The following FAT4 variants were observed in gnomAD, a reference collection of about 807,000 sequenced individuals.
The protein encoded by FAT4 is protocadherin Fat 4.
FAT4 carries 84 observed loss-of-function variants against 303.9 expected under a neutral mutation model. The ratio of observed to expected loss-of-function variants is 0.28; its 90% CI spans 0.23 to 0.33. FAT4 has a LOEUF of 0.33. Ranked by LOEUF, FAT4 falls within the 10% of genes least tolerant of loss-of-function variation. FAT4 has a pLI of 1.00. For missense variants in FAT4, 6,005 were observed against 6,146.8 expected (o/e 0.98, Z 0.77); for synonymous variants, 2,307 against 2,298.8 (o/e 1.00, Z -0.10).
intron 7 of FAT4, among the ~76,000 whole-genome samples, chr4:125,425,584 G>A (rs1181499263): frequency 1.3e-5 from 2 of 152,014 alleles, no homozygotes; most frequent in Non-Finnish European, 2.9e-5. Context: ...TAAAAAATAT[G>A]TATCCAAGGG....
chr4:125,361,270 A>C (rs1413971800), intron 2 of FAT4, among the ~76,000 whole-genome samples: 4 of 152,156 alleles, frequency 2.6e-5, no homozygotes, highest in Admixed American at 2.6e-4. Context: ...CATCTGGAGC[A>C]GTTACACCTA....
At chr4:125,366,785 T>C (rs552940987) in intron 2 of FAT4, among the ~76,000 whole-genome samples, 1 of 152,164 alleles carries the variant, frequency 6.6e-6, no homozygotes, top group African/African-American at 2.4e-5. Flanking sequence ...TTTTTAGTAA[T>C]AGCCATTCTG....
chr4:125,339,296 A>G (rs1052687275), intron 2 of FAT4, among the ~76,000 whole-genome samples: 12 of 151,332 alleles, frequency 7.9e-5, no homozygotes, highest in African/African-American at 2.9e-4. Context: ...CCCGGGTTCA[A>G]GCGATTCTCC....
chr4:125,369,572 A>G (rs1733025416), intron 2 of FAT4, among the ~76,000 whole-genome samples: 1 of 152,254 alleles, frequency 6.6e-6, no homozygotes, highest in Non-Finnish European at 1.5e-5. Context: ...GAAAATGGCT[A>G]AAGTCTGGCC....
chr4:125,451,298 G>A lies in FAT4; in HGVS notation c.10288G>A (p.Ala3430Thr). 6.2e-7 allele frequency: 1 copy of A among 1,614,116 alleles called. No homozygotes were observed. The highest frequency in any genetic ancestry group is 8.5e-7 in the Non-Finnish European group (1 of 1,180,006). Reference sequence around the variant, plus strand: ...AGGAACTCATGTGACCTTTGTCAGTGCCTTTGACTCAGACTCCATCCCCAG... The same window carrying A: ...AGGAACTCATGTGACCTTTGTCAGTACCTTTGACTCAGACTCCATCCCCAG... ...PIGTHVTFVS[A>T]FDSDSIPSWS... Residue 3430 changes from alanine to threonine, a missense_variant, in exon 10 of 18, where the codon GCC becomes ACC. Transcript: ENST00000394329.
chr4:125,468,934 A>T, intron 12 of FAT4, 115 bp downstream of exon 12: 2 of 1,147,430 alleles, frequency 1.7e-6, no homozygotes, highest in Non-Finnish European at 2.4e-6. Context: ...CACTTTAGTT[A>T]TGAAAAACTT....
At position 125,404,328 on chromosome 4, in the gene FAT4, A is replaced by G. The variant is rs116088864; in HGVS notation, c.5308-2552A>G. Among the ~76,000 whole-genome samples the G allele has an allele frequency of 6.9e-3, 1,050 of 152,226 alleles. 8 individuals carry two copies. Among genetic ancestry groups the G allele is most frequent in the African/African-American group, 0.022 (932 of 41,560 alleles). On this transcript the variant is annotated intron_variant, in intron 3 of 17. Coordinates refer to ENST00000394329, the MANE Select transcript of FAT4 (RefSeq NM_001291303.3). ...CCATACTGCAATATCAATATCCTTA[A>G]AAGATTGCTTCCAATTAAAACAATA...
intron 12 of FAT4, among the ~76,000 whole-genome samples, chr4:125,473,944 T>C (rs1411295906): frequency 1.3e-5 from 2 of 152,082 alleles, no homozygotes; most frequent in Non-Finnish European, 2.9e-5. Context: ...GAATTTGTCA[T>C]TTTCTACATT....
At position 125,317,031 on chromosome 4, in the gene FAT4, G is replaced by A; in HGVS notation, c.620G>A (p.Gly207Glu). 1 of 1,614,082 alleles carries A rather than the reference G, an allele frequency of 6.2e-7. No homozygotes were observed. Among genetic ancestry groups the A allele is most frequent in the Non-Finnish European group, 8.5e-7 (1 of 1,180,028 alleles). ...TTCCTGCATCTGGTGTCCAAGGGCGGACTGGACCGTGAGGTCACTCCGCAG... is the reference window on the plus strand; with the variant it reads ...TTCCTGCATCTGGTGTCCAAGGGCGAACTGGACCGTGAGGTCACTCCGCAG... ...GAFLHLVSKGGLDREVTPQYQ... is the reference protein window; with the variant it reads ...GAFLHLVSKGELDREVTPQYQ... Residue 207 changes from glycine to glutamate, a missense_variant, in exon 2 of 18, where the codon GGA becomes GAA. Coordinates refer to ENST00000394329, the MANE Select transcript of FAT4 (RefSeq NM_001291303.3). The surrounding 1 kb of genome is among the most constrained non-coding windows in gnomAD (Gnocchi z 7.0).
At chr4:125,407,689 G>A (rs1043615581) in intron 4 of FAT4, among the ~76,000 whole-genome samples, 4 of 152,028 alleles carry the variant, frequency 2.6e-5, no homozygotes, top group African/African-American at 9.7e-5. Context: ...CCCATTAAGT[G>A]TTATAAGAAA....
intron 2 of FAT4, among the ~76,000 whole-genome samples, chr4:125,386,199 A>G (rs1380174929): frequency 6.6e-6 from 1 of 152,180 alleles, no homozygotes; most frequent in East Asian, 1.9e-4. Flanking sequence ...TCTGTACCCT[A>G]GGCGTTATAT....
At chr4:125,323,170 A>G (rs1480357415) in intron 2 of FAT4, among the ~76,000 whole-genome samples, 1 of 152,216 alleles carries the variant, frequency 6.6e-6, no homozygotes, top group Non-Finnish European at 1.5e-5. Flanking sequence ...GTTAAACTGT[A>G]AAACAGATTA....
intron 2 of FAT4, among the ~76,000 whole-genome samples, chr4:125,324,284 A>G (rs747950296): frequency 6.6e-6 from 1 of 152,164 alleles, no homozygotes; most frequent in Non-Finnish European, 1.5e-5. Flanking sequence ...TTATCCTTTA[A>G]TGTGTATTAC....
At position 125,398,851 on chromosome 4, in the gene FAT4, C is replaced by G. The variant is rs202038981; in HGVS notation, c.5243C>G (p.Thr1748Arg). Residue 1748 changes from threonine (T) to arginine (R), a missense_variant, in exon 3 of 18, where the codon ACG (threonine) becomes AGG (arginine). Transcript: ENST00000394329. Reference protein sequence around the residue: ...PVFPTDMLDLTVEENIGDGSK... With the variant: ...PVFPTDMLDLRVEENIGDGSK... ...TTTCCAACGGACATGCTGGATCTCA[C>G]GGTAGAGGAGAACATTGGAGATGGC... The G allele has an allele frequency of 6.2e-7, 1 of 1,612,748 alleles. No individual in the cohort carries two copies. The highest frequency in any genetic ancestry group is 8.5e-7 in the Non-Finnish European group (1 of 1,178,928).
Position 125,319,452 on chromosome 4 carries a change from G to A in FAT4, c.3041G>A (p.Arg1014Gln), listed in dbSNP as rs377288957. ...TLSESEPVNS[R>Q]FFKVQASDKD... Reference sequence around the variant, plus strand: ...TCTGAGTCAGAACCTGTGAATTCTCGATTCTTTAAAGTACAAGCTTCTGAT... The same window carrying A: ...TCTGAGTCAGAACCTGTGAATTCTCAATTCTTTAAAGTACAAGCTTCTGAT... Residue 1014 changes from arginine to glutamine, a missense_variant, in exon 2 of 18, where the codon CGA becomes CAA. Physicochemically the swap from Arg to Gln is conservative, Grantham distance 43 (BLOSUM62 1). Coordinates refer to ENST00000394329, the MANE Select transcript of FAT4 (RefSeq NM_001291303.3). 17 of 1,613,548 alleles carry A rather than the reference G, an allele frequency of 1.1e-5. No homozygotes were observed. In the Admixed American group the frequency reaches 2.0e-4, roughly 19 times the overall value.
At chr4:125,373,053 A>G (rs751058120) in intron 2 of FAT4, among the ~76,000 whole-genome samples, 1 of 152,210 alleles carries the variant, frequency 6.6e-6, no homozygotes, top group Non-Finnish European at 1.5e-5. Context: ...ATTATAACAA[A>G]ATTCAGAAAA....
intron 2 of FAT4, among the ~76,000 whole-genome samples, chr4:125,376,689 C>T (rs962694012): frequency 1.3e-5 from 2 of 152,058 alleles, no homozygotes; most frequent in Non-Finnish European, 1.5e-5. Flanking sequence ...CACCTGAGGT[C>T]GGGAGTTCGA....
intron 9 of FAT4, among the ~76,000 whole-genome samples, 173 bp from the exon 10 acceptor site, chr4:125,448,288 C>A (rs1162226182): frequency 6.6e-6 from 1 of 152,096 alleles, no homozygotes; most frequent in Non-Finnish European, 1.5e-5. Context: ...AATCATAGAG[C>A]AGATTTGACT....
chr4:125,445,457 G>T (rs1725795067), intron 8 of FAT4, among the ~76,000 whole-genome samples: 1 of 152,030 alleles, frequency 6.6e-6, no homozygotes, highest in Non-Finnish European at 1.5e-5. Flanking sequence ...TATAAAAGAA[G>T]AAAACTTTTA....
Sources: gnomAD v4.1 joint callset for allele counts (sites outside exome capture counted in the v4.1 genomes callset) on GRCh38, gnomAD v4.1.1 for gene constraint, Gnocchi (gnomAD v3.1) non-coding constraint, MANE v1.5 for transcripts, NCBI Gene and HGNC (gene_info 2026-07-23, HGNC 2026-07-21) for gene names.